HEPH: variants seen among roughly 807,000 people sequenced by gnomAD.
The protein encoded by HEPH is hephaestin.
In HEPH, 69 loss-of-function variants were observed where a neutral mutation model predicts 80.8. That is an observed-to-expected ratio of 0.85 (90% CI 0.70 to 1.04). HEPH has a LOEUF of 1.04. Among genes scored for constraint, HEPH ranks in the 50% least tolerant of loss-of-function variants. HEPH has a pLI of 0.00. For missense variants in HEPH, 1,115 were observed against 891.3 expected, an observed-to-expected ratio of 1.25 and a Z score of -3.20; for synonymous variants, 431 against 322.8, an observed-to-expected ratio of 1.34 and a Z score of -3.60.
Position 66,260,118 on chromosome X carries a change from G to A in HEPH, c.3055G>A (p.Ala1019Thr). The A allele has an allele frequency of 1.7e-6, 2 of 1,208,546 alleles. No homozygotes were observed. The highest frequency in any genetic ancestry group is 2.2e-6 in the Non-Finnish European group (2 of 893,447). ...CTTGCAGAATGGCGAGAACTACCGG[G>A]CAGATGTGGTGGATCTGTTCCCAGG... ...FLYRNGENYR[A>T]DVVDLFPGTF... The change falls in exon 19 of 21, where the codon GCA becomes ACA. Residue 1019 changes from alanine (A) to threonine (T), a missense_variant. Transcript: ENST00000343002.
Position 66,168,084 on chromosome X carries a change from G to A in HEPH, c.-13-2474G>A, listed in dbSNP as rs969203078. Among the ~76,000 whole-genome samples, 106 of 112,002 alleles carry A rather than the reference G, an allele frequency of 9.5e-4. 2 individuals are homozygous for A. The highest frequency in any genetic ancestry group is 3.3e-3 in the African/African-American group (102 of 30,811). On this transcript the variant is annotated intron_variant, in intron 1 of 20. Coordinates refer to ENST00000343002, the MANE Select transcript of HEPH (RefSeq NM_001367233.3). ...TCTGGGAAATGAAGACAGTTCATGA[G>A]GCAGGTCATGAGATGGAAAGGTAAC...
At chrX:66,177,783 T>G (rs917747888) in intron 4 of HEPH, among the ~76,000 whole-genome samples, 5 of 111,725 alleles carry the variant, frequency 4.5e-5, no homozygotes, top group Non-Finnish European at 7.5e-5. Context: ...TGTTCTTGTT[T>G]CTCTAGTTCC....
At chrX:66,219,148 A>G (rs1261787151) in intron 15 of HEPH, among the ~76,000 whole-genome samples, 1 of 112,162 alleles carries the variant, frequency 8.9e-6, no homozygotes, top group African/African-American at 3.2e-5. Context: ...GAACTAAGGT[A>G]GCAATGAAGC....
chrX:66,162,906 C>T (rs1248274874), upstream of HEPH: 4 of 1,133,866 alleles, frequency 3.5e-6, no homozygotes, highest in Admixed American at 1.1e-4. Flanking sequence ...GAACCCCCAT[C>T]ATACCTGTCC....
intron 20 of HEPH, 76 bp downstream of exon 20, chrX:66,263,764 G>A (rs1228589556): frequency 1.9e-5 from 18 of 962,464 alleles, no homozygotes; most frequent in Non-Finnish European, 2.2e-5. Context: ...GTACCTTTAG[G>A]GTATGGGACT....
At position 66,250,154 on chromosome X, in the gene HEPH, C is replaced by G. The variant is rs757809530; in HGVS notation, c.2564-4881C>G. ...TGTTGGTTTACTTGTATGTTGTTTC[C>G]TCTCCTGACTAGATTCTAAGAGGAC... On this transcript the variant is annotated intron_variant, in intron 15 of 20. Coordinates refer to ENST00000343002, the MANE Select transcript of HEPH (RefSeq NM_001367233.3). Among the ~76,000 whole-genome samples the G allele has an allele frequency of 2.1e-4, 23 of 111,147 alleles. No homozygotes were observed. The East Asian group carries it at 6.0e-3, about 29-fold the overall frequency.
At chrX:66,179,422 A>G (rs753970597) in intron 4 of HEPH, among the ~76,000 whole-genome samples, 41 of 111,705 alleles carry the variant, frequency 3.7e-4, no homozygotes, top group Non-Finnish European at 6.8e-4. Context: ...TTGACTTGGC[A>G]ATGCGGGCTC....
rs971587848 is a variant in HEPH, at chrX:66,164,286, C to G, written c.-198C>G. On this transcript the variant is annotated 5_prime_UTR_variant, in exon 1 of 21. Coordinates refer to ENST00000343002, the MANE Select transcript of HEPH (RefSeq NM_001367233.3). ...GTTTCTGGAAAAGAGGGCACCCAGC[C>G]CTTCCCCCTCCCTCATCCTCCCATC... is the stretch of plus-strand genomic sequence containing the variant. 1.3e-6 allele frequency: 1 copy of G among 750,208 alleles called. No individual in the cohort carries two copies. Among genetic ancestry groups the G allele is most frequent in the African/African-American group, 2.3e-5 (1 of 42,944 alleles). The allele number at this position is 750,208 out of a possible 1,213,427, so 61.8% of individuals were successfully genotyped here. A position where few individuals can be genotyped will look rare whatever the true frequency, so the allele number is the denominator to read the frequency against.
chrX:66,265,399 A>G (rs2091504842), intron 20 of HEPH, among the ~76,000 whole-genome samples: 1 of 110,788 alleles, frequency 9.0e-6, no homozygotes, highest in African/African-American at 3.3e-5. Context: ...CCTGTCTGCT[A>G]GGTGCTATAC....
At chrX:66,172,137 G>T (rs1435722491) in intron 2 of HEPH, among the ~76,000 whole-genome samples, 1 of 111,992 alleles carries the variant, frequency 8.9e-6, no homozygotes, top group East Asian at 2.8e-4. Context: ...CTTTTATGTG[G>T]GTTTAAAGTG....
chrX:66,266,590 A>G lies in HEPH; in HGVS notation c.3395A>G (p.Tyr1132Cys). ...VVLALGGVVW[Y>C]QHRQRKLRRN... ...CTGGCTCTTGGTGGAGTGGTTTGGTACCAACATCGACAGAGAAAGCTACGA... is the reference window on the plus strand; with the variant it reads ...CTGGCTCTTGGTGGAGTGGTTTGGTGCCAACATCGACAGAGAAAGCTACGA... Residue 1132 changes from tyrosine to cysteine, a missense_variant, in exon 21 of 21, where the codon TAC (tyrosine) becomes TGC (cysteine). By Grantham distance (194) the Tyr-to-Cys change is radical (BLOSUM62 -2). This residue lies in a region of HEPH where 716 missense variants were observed against 523.5 expected (regional missense o/e 1.37). Coordinates refer to ENST00000343002, the MANE Select transcript of HEPH (RefSeq NM_001367233.3). 3 of 1,210,059 alleles carry G rather than the reference A, an allele frequency of 2.5e-6. No homozygotes were observed. The highest frequency in any genetic ancestry group is 3.5e-5 in the South Asian group (2 of 56,866).
Position 66,266,760 on chromosome X carries a change from G to T in HEPH, c.*88G>T. 3.6e-6 allele frequency: 2 copies of T among 559,861 alleles called. No homozygotes were observed. Among genetic ancestry groups the T allele is most frequent in the Non-Finnish European group, 5.9e-6 (2 of 340,116 alleles). The allele number at this position is 559,861 out of a possible 1,213,427, so 46.1% of individuals were successfully genotyped here. A position where few individuals can be genotyped will look rare whatever the true frequency, so the allele number is the denominator to read the frequency against. On this transcript the variant is annotated 3_prime_UTR_variant, in exon 21 of 21. Coordinates refer to ENST00000343002, the MANE Select transcript of HEPH (RefSeq NM_001367233.3). ...ACTAGTCACTAACCCCACACTCAAA[G>T]GGGCATGGGTGGTGGAGAAGCAGAA...
intron 20 of HEPH, among the ~76,000 whole-genome samples, chrX:66,264,139 A>G (rs1454362544): frequency 9.1e-6 from 1 of 109,603 alleles, no homozygotes; most frequent in African/African-American, 3.3e-5. Flanking sequence ...AAAACTACCT[A>G]TTAAGTACAA....
At chrX:66,254,047 A>G (rs2091091831) in intron 15 of HEPH, among the ~76,000 whole-genome samples, 1 of 111,525 alleles carries the variant, frequency 9.0e-6, no homozygotes, top group Non-Finnish European at 1.9e-5. Flanking sequence ...AATATACTAA[A>G]AACATTGAAT....
intron 6 of HEPH, among the ~76,000 whole-genome samples, chrX:66,191,454 G>T (rs1483598175): frequency 9.0e-6 from 1 of 111,704 alleles, no homozygotes; most frequent in South Asian, 3.8e-4. Flanking sequence ...AATCTCCCTG[G>T]GATGCTGTGG....
At chrX:66,202,665 T>C (rs1025009795) in intron 12 of HEPH, among the ~76,000 whole-genome samples, 2 of 110,432 alleles carry the variant, frequency 1.8e-5, no homozygotes, top group Non-Finnish European at 3.8e-5. Flanking sequence ...AAGTCTACTT[T>C]ATTTCTTTGG....
chrX:66,217,226 G>A (rs1205807621), intron 15 of HEPH, among the ~76,000 whole-genome samples: 1 of 111,136 alleles, frequency 9.0e-6, no homozygotes, highest in Non-Finnish European at 1.9e-5. Flanking sequence ...TAGGTACATA[G>A]CTGTCAGGTT....
intron 19 of HEPH, among the ~76,000 whole-genome samples, chrX:66,261,487 C>T (rs1458063147): frequency 1.8e-5 from 2 of 108,945 alleles, no homozygotes; most frequent in Non-Finnish European, 3.8e-5. Context: ...CACTATTTGC[C>T]TTCCAAGAAG....
chrX:66,235,110 T>G (rs754421594), intron 15 of HEPH, among the ~76,000 whole-genome samples: 1 of 112,030 alleles, frequency 8.9e-6, no homozygotes, highest in African/African-American at 3.2e-5. Flanking sequence ...CCTTCTTGGA[T>G]GCATAGTTTG....
Sources: allele counts gnomAD v4.1 joint callset (sites outside exome capture counted in the v4.1 genomes callset), GRCh38; gene constraint gnomAD v4.1.1; regional missense constraint gnomAD v4.1.1; transcripts MANE v1.5; gene names NCBI Gene and HGNC (gene_info 2026-07-23, HGNC 2026-07-21).